Variants in DYM observed in about 807,000 individuals in gnomAD.
The protein encoded by DYM is dymeclin.
A neutral mutation model predicts 93.1 loss-of-function variants in DYM; 78 were observed. That is an observed-to-expected ratio of 0.84 (90% CI 0.70 to 1.01). DYM has a LOEUF of 1.01. Among genes scored for constraint, DYM ranks in the 50% least tolerant of loss-of-function variants. The probability of loss-of-function intolerance (pLI) is 0.00; values close to 1 mark genes in which losing one functional copy is unlikely to be tolerated. For synonymous variants in DYM, 321 were observed against 319.7 expected, an observed-to-expected ratio of 1.00 and a Z score of -0.04; for missense variants, 789 against 845.0, an observed-to-expected ratio of 0.93 and a Z score of 0.82.
chr18:49,122,256 C>T (rs2082442303), intron 15 of DYM, among the ~76,000 whole-genome samples: 1 of 152,070 alleles, frequency 6.6e-6, no homozygotes, highest in Non-Finnish European at 1.5e-5. Context: ...TAATAGATGC[C>T]ATCAGATTGT....
chr18:49,186,702 G>A (rs758087612), intron 14 of DYM, among the ~76,000 whole-genome samples: 9 of 151,930 alleles, frequency 5.9e-5, no homozygotes, highest in Non-Finnish European at 1.2e-4. Flanking sequence ...CACTCACACC[G>A]AAGAGAATGT....
intron 16 of DYM, among the ~76,000 whole-genome samples, chr18:49,103,767 C>G (rs2080451701): frequency 6.6e-6 from 1 of 152,132 alleles, no homozygotes; most frequent in Non-Finnish European, 1.5e-5. Context: ...TTCCATTGGT[C>G]TATGTCTCTG....
chr18:49,366,430 A>G (rs1326495738), intron 5 of DYM, among the ~76,000 whole-genome samples: 1 of 152,240 alleles, frequency 6.6e-6, no homozygotes, highest in Non-Finnish European at 1.5e-5. Flanking sequence ...GCAAAGATTC[A>G]GTGTGTTTAC....
At chr18:49,458,144 C>A (rs1444497631) in intron 1 of DYM, among the ~76,000 whole-genome samples, 3 of 152,170 alleles carry the variant, frequency 2.0e-5, no homozygotes, top group African/African-American at 7.2e-5. Context: ...TAAACAACTT[C>A]TAATAATATG....
intron 13 of DYM, among the ~76,000 whole-genome samples, chr18:49,219,794 A>G (rs1047378066): frequency 2.0e-5 from 3 of 151,852 alleles, no homozygotes; most frequent in African/African-American, 7.2e-5. Flanking sequence ...ACCCACAGCC[A>G]ATATCATACT....
chr18:49,216,512 G>T (rs2093055174), intron 13 of DYM, among the ~76,000 whole-genome samples: 1 of 152,152 alleles, frequency 6.6e-6, no homozygotes, highest in African/African-American at 2.4e-5. Context: ...CCCAGTAGGG[G>T]CAGACTGACA....
chr18:49,190,160 T>A (rs1008747681), intron 14 of DYM, among the ~76,000 whole-genome samples: 1 of 152,210 alleles, frequency 6.6e-6, no homozygotes, highest in South Asian at 2.1e-4. Flanking sequence ...CATTTAGGGA[T>A]AGTAAGAAAA....
intron 3 of DYM, among the ~76,000 whole-genome samples, chr18:49,380,254 C>A (rs181717062): frequency 2.0e-5 from 3 of 152,038 alleles, no homozygotes. Flanking sequence ...TTTGACCAGA[C>A]AAAACTTTAA....
At chr18:49,394,566 A>C (rs2069806961) in intron 2 of DYM, among the ~76,000 whole-genome samples, 1 of 152,158 alleles carries the variant, frequency 6.6e-6, no homozygotes, top group South Asian at 2.1e-4. Context: ...TTCTGTGAAA[A>C]ATATCACTGG....
chr18:49,300,999 T>C (rs2146175926), intron 8 of DYM, among the ~76,000 whole-genome samples: 1 of 152,232 alleles, frequency 6.6e-6, no homozygotes, highest in South Asian at 2.1e-4. Context: ...AACCTTAAAG[T>C]TAGCAATAGT....
At chr18:49,192,497 C>G (rs2091072626) in intron 14 of DYM, among the ~76,000 whole-genome samples, 1 of 152,048 alleles carries the variant, frequency 6.6e-6, no homozygotes, top group South Asian at 2.1e-4. Context: ...ATATGGATAT[C>G]CAATTTTCCA....
At position 49,258,467 on chromosome 18, in the gene DYM, T is replaced by G; in HGVS notation, c.1278A>C (p.Ser426=). The G allele has an allele frequency of 6.2e-7, 1 of 1,611,710 alleles. No homozygotes were observed. The highest frequency in any genetic ancestry group is 8.5e-7 in the Non-Finnish European group (1 of 1,177,838). ...AGGAGATTTCAGTTAAAACTCGTTCTGAATACCAAGTAATATTTTTTAGTA... is the reference window on the plus strand; with the variant it reads ...AGGAGATTTCAGTTAAAACTCGTTCGGAATACCAAGTAATATTTTTTAGTA... ...EVILKNITWY[S]ERVLTEISLG... The change falls in exon 12 of 18, where the codon TCA becomes TCC. Residue 426 remains serine, a synonymous_variant. Coordinates refer to ENST00000675505, the MANE Select transcript of DYM (RefSeq NM_001353214.3).
chr18:49,351,602 T>TAA (rs2065128252), intron 6 of DYM, among the ~76,000 whole-genome samples: 1 of 149,660 alleles, frequency 6.7e-6, no homozygotes, highest in Non-Finnish European at 1.5e-5. Flanking sequence ...AAAAAAACCA[T>TAA]ACAGAGCAAT....
intron 16 of DYM, among the ~76,000 whole-genome samples, chr18:49,111,497 TA>T (rs1289357645): frequency 6.6e-6 from 1 of 152,208 alleles, no homozygotes; most frequent in Non-Finnish European, 1.5e-5. Context: ...CTATTTATGA[TA>T]AATTAGGGCA....
chr18:49,196,269 G>A (rs2091441863), intron 14 of DYM, among the ~76,000 whole-genome samples: 1 of 152,090 alleles, frequency 6.6e-6, no homozygotes. Flanking sequence ...TTTATAACAG[G>A]ATCACACTTT....
intron 13 of DYM, among the ~76,000 whole-genome samples, chr18:49,222,165 T>C (rs938293638): frequency 2.6e-5 from 4 of 152,090 alleles, no homozygotes; most frequent in Non-Finnish European, 5.9e-5. Flanking sequence ...GAAACAACTA[T>C]ATACACATAC....
chr18:49,219,237 C>T (rs1429863815), intron 13 of DYM, among the ~76,000 whole-genome samples: 2 of 152,156 alleles, frequency 1.3e-5, no homozygotes, highest in South Asian at 2.1e-4. Flanking sequence ...AGACCAATAA[C>T]AGGATCTGAA....
rs558055858 is a variant in DYM at position 49,061,412 on chromosome 18, T to C, written c.2026-17208A>G. On this transcript the variant is annotated intron_variant, in intron 17 of 17. Transcript: ENST00000675505. ...GGTGCCCACGGACCAGCCGGTGTGTTTGAGAATAAGAGGGGGAATGTGAAA... is the reference window on the plus strand; with the variant it reads ...GGTGCCCACGGACCAGCCGGTGTGTCTGAGAATAAGAGGGGGAATGTGAAA... Among the ~76,000 whole-genome samples the C allele has an allele frequency of 3.7e-4, 56 of 152,060 alleles. 2 individuals are homozygous for C. In the South Asian group the frequency reaches 0.011, roughly 31 times the overall value.
At chr18:49,061,277 C>T (rs1407718079) in intron 17 of DYM, among the ~76,000 whole-genome samples, 2 of 151,974 alleles carry the variant, frequency 1.3e-5, no homozygotes, top group African/African-American at 4.8e-5. Flanking sequence ...GAGAAGGCAC[C>T]TAGGTGGTCT....
Sources: gnomAD v4.1 joint callset for allele counts (sites outside exome capture counted in the v4.1 genomes callset) on GRCh38, gnomAD v4.1.1 for gene constraint, MANE v1.5 for transcripts, NCBI Gene and HGNC (gene_info 2026-07-23, HGNC 2026-07-21) for gene names.